MAT1A: variants seen among roughly 807,000 people sequenced by gnomAD.
MAT1A encodes the protein S-adenosylmethionine synthase isoform type-1.
A neutral mutation model predicts 44.0 loss-of-function variants in MAT1A; 19 were observed. The ratio of observed to expected loss-of-function variants is 0.43; its 90% CI spans 0.30 to 0.63. The LOEUF (loss-of-function observed/expected upper bound fraction) is 0.63, where lower values mean the gene tolerates loss of function less well. MAT1A is among the 30% of genes least tolerant of loss of function. MAT1A has a pLI of 0.12. For missense variants in MAT1A, 397 were observed against 531.0 expected, an observed-to-expected ratio of 0.75 and a Z score of 2.48; for synonymous variants, 205 against 205.6, an observed-to-expected ratio of 1.00 and a Z score of 0.03.
chr10:80,288,686 C>A (rs1467833128), intron 1 of MAT1A, among the ~76,000 whole-genome samples: 1 of 152,164 alleles, frequency 6.6e-6, no homozygotes, highest in Non-Finnish European at 1.5e-5. Flanking sequence ...CTAAGTTGCA[C>A]ATGCTTCACA....
In MAT1A at chr10:80,273,502, T is replaced by A; in HGVS notation, c.*279A>T. The A allele has an allele frequency of 2.3e-6, 1 of 435,550 alleles. No individual in the cohort carries two copies. The highest frequency in any genetic ancestry group is 2.1e-5 in the South Asian group (1 of 47,782). The allele number at this position is 435,550 out of a possible 1,614,324, so 27.0% of individuals were successfully genotyped here. ...GGAGACGAGTGAGGGAATTCACTCT[T>A]GACGGGGGTGCCTTTTCCACTAAAT... On this transcript the variant is annotated 3_prime_UTR_variant, in exon 9 of 9. Coordinates refer to ENST00000372213, the MANE Select transcript of MAT1A (RefSeq NM_000429.3).
intron 1 of MAT1A, among the ~76,000 whole-genome samples, chr10:80,287,587 T>G (rs1403148390): frequency 6.6e-6 from 1 of 152,228 alleles, no homozygotes; most frequent in African/African-American, 2.4e-5. Context: ...AGCACATTGC[T>G]GCTGCGCACA....
intron 5 of MAT1A, among the ~76,000 whole-genome samples, chr10:80,279,115 A>G (rs939430044): frequency 6.6e-6 from 1 of 152,222 alleles, no homozygotes; most frequent in Non-Finnish European, 1.5e-5. Context: ...AAAGTTGTAG[A>G]AAACACTGAA....
chr10:80,280,290 G>A lies in MAT1A; in HGVS notation c.432C>T (p.Asp144=), dbSNP rs745720816. 24 of 1,613,934 alleles carry A rather than the reference G, an allele frequency of 1.5e-5. No homozygotes were observed. The highest frequency in any genetic ancestry group is 8.0e-5 in the African/African-American group (6 of 74,912). ...DQGLMFGYAT[D]ETEECMPLTI... Reference sequence around the variant, plus strand: ...TGAGGGGCATGCACTCCTCTGTCTCGTCGGTAGCATAGCCGAACATCAAAC... The same window carrying A: ...TGAGGGGCATGCACTCCTCTGTCTCATCGGTAGCATAGCCGAACATCAAAC... The change falls in exon 5 of 9, where the codon GAC becomes GAT. Residue 144 remains aspartate, a synonymous_variant. Coordinates refer to ENST00000372213, the MANE Select transcript of MAT1A (RefSeq NM_000429.3).
chr10:80,279,573 G>A (rs182205778), intron 5 of MAT1A, among the ~76,000 whole-genome samples: 25 of 152,146 alleles, frequency 1.6e-4, no homozygotes, highest in South Asian at 1.0e-3. Flanking sequence ...GGAGGCCTGC[G>A]TCTCCACTAA....
intron 4 of MAT1A, 57 bp from the exon 5 acceptor site, chr10:80,280,373 C>T: frequency 1.2e-6 from 2 of 1,605,034 alleles, no homozygotes; most frequent in Non-Finnish European, 1.7e-6. Flanking sequence ...GACCGCAGCT[C>T]TCTCCAAGCC....
intron 1 of MAT1A, among the ~76,000 whole-genome samples, chr10:80,288,795 C>T (rs1841682240): frequency 6.6e-6 from 1 of 152,096 alleles, no homozygotes; most frequent in East Asian, 1.9e-4. Flanking sequence ...AAAAAAAATA[C>T]ATATAAAAAG....
intron 1 of MAT1A, among the ~76,000 whole-genome samples, chr10:80,286,013 G>A (rs1841645674): frequency 6.6e-6 from 1 of 151,982 alleles, no homozygotes; most frequent in Non-Finnish European, 1.5e-5. Context: ...ATTTTCAGTA[G>A]AGATGGCGTT....
chr10:80,276,500 A>G lies in MAT1A; in HGVS notation c.644T>C (p.Leu215Pro). The G allele has an allele frequency of 6.2e-7, 1 of 1,614,154 alleles. No homozygotes were observed. Among genetic ancestry groups the G allele is most frequent in the East Asian group, 2.2e-5 (1 of 44,882 alleles). The change falls in exon 6 of 9, where the codon CTG becomes CCG. Residue 215 changes from leucine to proline, a missense_variant. Physicochemically the swap from Leu to Pro is moderately conservative, Grantham distance 98. Transcript: ENST00000372213. ...CTTCAGGGCCCTGCGCATCTCCTCC[A>G]GCGTGATGTCTTCGTTGTGCTGCAC... ...ISVQHNEDIT[L>P]EEMRRALKEQ...
At position 80,289,472 on chromosome 10, in the gene MAT1A, C is replaced by T. The variant is rs762211746; in HGVS notation, c.-49G>A. 1.3e-5 allele frequency: 19 copies of T among 1,458,012 alleles called. No individual in the cohort carries two copies. The highest frequency in any genetic ancestry group is 2.3e-5 in the East Asian group (1 of 43,744). The allele number at this position is 1,458,012 out of a possible 1,614,324, so 90.3% of individuals were successfully genotyped here. On this transcript the variant is annotated 5_prime_UTR_variant, in exon 1 of 9. Transcript: ENST00000372213. Reference sequence around the variant, plus strand: ...CTTCTTTCAGTGAACAATTTTGAGGCTGTGACTTTGCCTGAGTTTTTTTTT... The same window carrying T: ...CTTCTTTCAGTGAACAATTTTGAGGTTGTGACTTTGCCTGAGTTTTTTTTT...
Position 80,280,769 on chromosome 10 carries a change from C to T in MAT1A, c.316G>A (p.Val106Met), listed in dbSNP as rs1439711156. ...AKGFDFKTCN[V>M]LVALEQQSPD... The stretch of plus-strand genomic sequence containing the variant: ...GATTGCTGCTCCAAAGCCACCAGCA[C>T]GTTGCAAGTCTTGAAGTCAAAGCCT... Residue 106 changes from valine to methionine, a missense_variant, in exon 4 of 9, where the codon GTG (valine) becomes ATG (methionine). Physicochemically the swap from Val to Met is conservative, Grantham distance 21 (BLOSUM62 1). Coordinates refer to ENST00000372213, the MANE Select transcript of MAT1A (RefSeq NM_000429.3). 1.2e-6 allele frequency: 2 copies of T among 1,614,052 alleles called. No homozygotes were observed. The highest frequency in any genetic ancestry group is 1.7e-5 in the Admixed American group (1 of 60,004).
intron 3 of MAT1A, among the ~76,000 whole-genome samples, chr10:80,281,653 C>T (rs1417219): frequency 0.77 from 117,246 of 152,146 alleles, 46,406 homozygotes; most frequent in East Asian, 0.97. Context: ...AGCCATCTTC[C>T]TTCCCATCTA....
chr10:80,278,257 C>T (rs1841516933), intron 5 of MAT1A, among the ~76,000 whole-genome samples: 1 of 143,262 alleles, frequency 7.0e-6, no homozygotes, highest in African/African-American at 2.5e-5. Context: ...AAGAGCCCAT[C>T]CCACCCTCCC....
Position 80,283,951 on chromosome 10 carries a change from G to C in MAT1A, c.257C>G (p.Thr86Ser). ...GTCATCGTAGCCGATGTGCTTGATG[G>C]TGTCCCTCACCACCCGCTGGTAGTC... ...MVDYQRVVRD[T>S]IKHIGYDDSA... Residue 86 changes from threonine (T) to serine (S), a missense_variant, in exon 3 of 9, where the codon ACC becomes AGC. Coordinates refer to ENST00000372213, the MANE Select transcript of MAT1A (RefSeq NM_000429.3). 1 of 1,614,216 alleles carries C rather than the reference G, an allele frequency of 6.2e-7. No homozygotes were observed. Among genetic ancestry groups the C allele is most frequent in the Non-Finnish European group, 8.5e-7 (1 of 1,180,036 alleles).
intron 6 of MAT1A, 150 bp downstream of exon 6, chr10:80,276,226 A>G: frequency 1.3e-6 from 1 of 787,258 alleles, no homozygotes; most frequent in Non-Finnish European, 2.2e-6. Flanking sequence ...CTAAATGTAC[A>G]GAGGCCAAAA....
Position 80,280,461 on chromosome 10 carries a change from C to T in MAT1A, c.406-145G>A, listed in dbSNP as rs980490727. 5.3e-5 allele frequency: 61 copies of T among 1,142,798 alleles called. No homozygotes were observed. In the African/African-American group the frequency reaches 6.1e-4, roughly 11 times the overall value. 70.8% of individuals were successfully genotyped at this position (1,142,798 alleles called of 1,614,324 possible). A position where few individuals can be genotyped will look rare whatever the true frequency, so the allele number is the denominator to read the frequency against. On this transcript the variant is annotated intron_variant, in intron 4 of 8. Coordinates refer to ENST00000372213, the MANE Select transcript of MAT1A (RefSeq NM_000429.3). ...TCCACTGGCATGTGCAGGGGAAGGA[C>T]GTCATCCCTGACCCCCAACACTCTA...
Position 80,273,533 on chromosome 10 carries a change from T to C in MAT1A, c.*248A>G, listed in dbSNP as rs898626655. 7.7e-6 allele frequency: 4 copies of C among 517,256 alleles called. No individual in the cohort carries two copies. Among genetic ancestry groups the C allele is most frequent in the South Asian group, 2.0e-5 (1 of 49,378 alleles). 32.0% of individuals were successfully genotyped at this position (517,256 alleles called of 1,614,324 possible). On this transcript the variant is annotated 3_prime_UTR_variant, in exon 9 of 9. Transcript: ENST00000372213. ...GGGTGCCTTTTCCACTAAATTAACA[T>C]TGCCCCAGTCTGAGGGAGCAGCAGG... is the stretch of plus-strand genomic sequence containing the variant.
rs1841443636 is a variant in MAT1A, at chr10:80,273,854, T to A, written c.1115A>T (p.Gln372Leu). 6.2e-7 allele frequency: 1 copy of A among 1,613,394 alleles called. No individual in the cohort carries two copies. The highest frequency in any genetic ancestry group is 8.5e-7 in the Non-Finnish European group (1 of 1,179,456). Residue 372 changes from glutamine (Q) to leucine (L), a missense_variant, in exon 9 of 9, where the codon CAG becomes CTG. Gln to Leu is a moderately radical substitution (Grantham distance 113). Coordinates refer to ENST00000372213, the MANE Select transcript of MAT1A (RefSeq NM_000429.3). ...RDLDLKKPIY[Q>L]KTACYGHFGR... ...GAAATGGCCGTAGCATGCTGTCTTCTGGTAGATGGGCTTCTTCAAGTCCAA... is the reference window on the plus strand; with the variant it reads ...GAAATGGCCGTAGCATGCTGTCTTCAGGTAGATGGGCTTCTTCAAGTCCAA...
chr10:80,274,034 C>T (rs1841446812), intron 8 of MAT1A, 151 bp from the exon 9 acceptor site: 7 of 689,646 alleles, frequency 1.0e-5, no homozygotes, highest in African/African-American at 1.8e-5. Context: ...CGCACCCATC[C>T]TATCTGTGCC....
Sources: gnomAD v4.1 joint callset for allele counts (sites outside exome capture counted in the v4.1 genomes callset) on GRCh38, gnomAD v4.1.1 for gene constraint, MANE v1.5 for transcripts, NCBI Gene and HGNC (gene_info 2026-07-23, HGNC 2026-07-21) for gene names.